ASTN2: variants seen among roughly 807,000 people sequenced by gnomAD.
ASTN2 encodes astrotactin 2.
ASTN2 carries 54 observed loss-of-function variants against 139.8 expected under a neutral mutation model. The ratio of observed to expected loss-of-function variants is 0.39; its 90% CI spans 0.31 to 0.48. The LOEUF is 0.48. ASTN2 is among the 20% of genes least tolerant of loss of function. ASTN2 has a pLI of 0.95. For synonymous variants in ASTN2, 756 were observed against 719.5 expected, an observed-to-expected ratio of 1.05 and a Z score of -0.81; for missense variants, 1,565 against 1,725.1, an observed-to-expected ratio of 0.91 and a Z score of 1.64.
At chr9:116,761,003 G>A (rs1460549990) in intron 13 of ASTN2, among the ~76,000 whole-genome samples, 1 of 152,194 alleles carries the variant, frequency 6.6e-6, no homozygotes, top group African/African-American at 2.4e-5. Context: ...CTGGAAGGAT[G>A]GCTGGGAGCT....
At position 117,291,375 on chromosome 9, in the gene ASTN2, G is replaced by A. The variant is rs148902327; in HGVS notation, c.581C>T (p.Pro194Leu). ...CATCTGCTCCTCAACAATCTCCGAG[G>A]GCTCCTGGAGAGTGGGGGCGGTGGC... The part of the protein sequence containing the change: ...AQATAPTLQE[P>L]SEIVEEQMHI... Residue 194 changes from proline to leucine, a missense_variant, in exon 2 of 23, where the codon CCC (proline) becomes CTC (leucine). Physicochemically the swap from Pro to Leu is moderately conservative, Grantham distance 98 (BLOSUM62 -3). Coordinates refer to ENST00000313400, the MANE Select transcript of ASTN2 (RefSeq NM_001365068.1). The A allele has an allele frequency of 6.2e-7, 1 of 1,614,186 alleles. No homozygotes were observed. The highest frequency in any genetic ancestry group is 1.7e-5 in the Admixed American group (1 of 60,030).
chr9:117,137,335 G>A (rs893027174), intron 4 of ASTN2, among the ~76,000 whole-genome samples: 6 of 152,166 alleles, frequency 3.9e-5, no homozygotes, highest in Admixed American at 3.3e-4. Flanking sequence ...AGTGGGCACC[G>A]TGGCCCGGGG....
At chr9:117,084,706 G>A (rs1248637859) in intron 5 of ASTN2, among the ~76,000 whole-genome samples, 1 of 152,210 alleles carries the variant, frequency 6.6e-6, no homozygotes, top group Non-Finnish European at 1.5e-5. Context: ...TGGGAAATGG[G>A]GGGATACACT....
intron 3 of ASTN2, among the ~76,000 whole-genome samples, chr9:117,141,995 G>C (rs1161918377): frequency 6.6e-6 from 1 of 152,150 alleles, no homozygotes; most frequent in Non-Finnish European, 1.5e-5. Flanking sequence ...TCAGGGTGAG[G>C]TTGGACAGAG....
intron 16 of ASTN2, among the ~76,000 whole-genome samples, chr9:116,721,253 T>C (rs2132110131): frequency 6.6e-6 from 1 of 152,318 alleles, no homozygotes. Flanking sequence ...GAGGTAGAGC[T>C]GGGATTTGAA....
chr9:116,699,968 C>G lies in ASTN2; in HGVS notation c.2806+25803G>C, dbSNP rs1387945066. The G allele has an allele frequency of 1.8e-6, 1 of 568,648 alleles. No homozygotes were observed. Among genetic ancestry groups the G allele is most frequent in the Non-Finnish European group, 3.2e-6 (1 of 313,198 alleles). 35.2% of individuals were successfully genotyped at this position (568,648 alleles called of 1,614,324 possible). A position where few individuals can be genotyped will look rare whatever the true frequency, so the allele number is the denominator to read the frequency against. On this transcript the variant is annotated intron_variant, in intron 16 of 22. Transcript: ENST00000313400. The surrounding 1 kb of genome is among the most constrained non-coding windows in gnomAD (Gnocchi z 4.2). The stretch of plus-strand genomic sequence containing the variant: ...AGCTGAAGTTTGATTAGCAATTAGG[C>G]ACTTCCAAGGCTTTAGTAGAGAGAG...
chr9:117,389,947 G>T (rs1350820375), intron 1 of ASTN2, among the ~76,000 whole-genome samples: 1 of 152,108 alleles, frequency 6.6e-6, no homozygotes, highest in Non-Finnish European at 1.5e-5. Context: ...TGGCCAGGGA[G>T]GCCCTCTGGG....
At chr9:117,367,503 G>C (rs879526564) in intron 1 of ASTN2, among the ~76,000 whole-genome samples, 1 of 152,120 alleles carries the variant, frequency 6.6e-6, no homozygotes, top group African/African-American at 2.4e-5. Flanking sequence ...TCATGGTAAA[G>C]AGAAGGGTGT....
At chr9:116,481,453 T>C (rs527731941) in intron 20 of ASTN2, among the ~76,000 whole-genome samples, 1 of 152,270 alleles carries the variant, frequency 6.6e-6, no homozygotes, top group East Asian at 1.9e-4. Flanking sequence ...ACACAGTGGG[T>C]AAAAACCCAC....
At chr9:117,089,475 C>T (rs1298269225) in intron 5 of ASTN2, among the ~76,000 whole-genome samples, 1 of 152,068 alleles carries the variant, frequency 6.6e-6, no homozygotes, top group Non-Finnish European at 1.5e-5. Context: ...ACATAGAATG[C>T]CTTGCATGAC....
intron 16 of ASTN2, among the ~76,000 whole-genome samples, chr9:116,662,399 C>G (rs1395831103): frequency 1.3e-5 from 2 of 151,402 alleles, no homozygotes; most frequent in African/African-American, 4.9e-5. Flanking sequence ...ATGGTGAAAC[C>G]CTGTCTCCAC....
chr9:116,442,072 A>C (rs1847856333), intron 21 of ASTN2, among the ~76,000 whole-genome samples: 1 of 152,186 alleles, frequency 6.6e-6, no homozygotes. Flanking sequence ...TCTAGGTGCC[A>C]TCTCTTTGCT....
intron 8 of ASTN2, 68 bp downstream of exon 8, chr9:116,976,632 TG>T: frequency 7.2e-7 from 1 of 1,388,030 alleles, no homozygotes; most frequent in Non-Finnish European, 1.0e-6. Context: ...TTGGGGCCTC[TG>T]GTAACAGAAC....
chr9:117,371,864 G>T (rs145098304), intron 1 of ASTN2, among the ~76,000 whole-genome samples: 6 of 151,930 alleles, frequency 3.9e-5, no homozygotes, highest in South Asian at 2.1e-4. Flanking sequence ...AACCCCACCC[G>T]CCACCTTTCA....
intron 5 of ASTN2, among the ~76,000 whole-genome samples, chr9:117,074,427 C>T (rs1296910428): frequency 6.6e-6 from 1 of 152,154 alleles, no homozygotes; most frequent in African/African-American, 2.4e-5. Flanking sequence ...CCTGCTGGGA[C>T]ATTTAGGTTT....
chr9:116,962,885 G>A (rs1432769664), intron 10 of ASTN2, among the ~76,000 whole-genome samples: 1 of 152,184 alleles, frequency 6.6e-6, no homozygotes, highest in Non-Finnish European at 1.5e-5. Flanking sequence ...TGTTTGTTAA[G>A]CAATTTAGTA....
intron 13 of ASTN2, among the ~76,000 whole-genome samples, chr9:116,745,385 C>T (rs901992655): frequency 1.7e-4 from 26 of 152,204 alleles, no homozygotes; most frequent in Non-Finnish European, 8.8e-5. Flanking sequence ...CTCCTCTGCG[C>T]TCTCTCGTAG....
chr9:116,787,252 G>T (rs545144024), intron 13 of ASTN2, among the ~76,000 whole-genome samples: 43 of 152,268 alleles, frequency 2.8e-4, no homozygotes, highest in Non-Finnish European at 4.9e-4. Context: ...CACCAGGCAG[G>T]CTTCTCCAGT....
intron 13 of ASTN2, among the ~76,000 whole-genome samples, chr9:116,802,168 G>T (rs1358417721): frequency 2.7e-5 from 4 of 147,770 alleles, no homozygotes; most frequent in African/African-American, 1.0e-4. Context: ...CTCACTGCAA[G>T]CTCCGCCTCC....
Sources: allele counts gnomAD v4.1 joint callset (sites outside exome capture counted in the v4.1 genomes callset), GRCh38; gene constraint gnomAD v4.1.1; non-coding constraint Gnocchi (gnomAD v3.1); transcripts MANE v1.5; gene names NCBI Gene and HGNC (gene_info 2026-07-23, HGNC 2026-07-21).